Variants in SLC12A8 observed in about 807,000 individuals in gnomAD.
SLC12A8 encodes solute carrier family 12 member 8.
A neutral mutation model predicts 75.6 loss-of-function variants in SLC12A8; 69 were observed. The observed-to-expected ratio is 0.91, with a 90% CI of 0.75 to 1.11. SLC12A8 has a LOEUF of 1.11. Among genes scored for constraint, SLC12A8 ranks in the 50% most tolerant of loss-of-function variants. The probability of loss-of-function intolerance (pLI) is 0.00; values close to 1 mark genes in which losing one functional copy is unlikely to be tolerated. For missense variants in SLC12A8, 877 were observed against 896.7 expected (o/e 0.98, Z 0.28); for synonymous variants, 365 against 372.8 (o/e 0.98, Z 0.24).
At chr3:125,154,219 G>A (rs1207835906) in intron 5 of SLC12A8, among the ~76,000 whole-genome samples, 6 of 152,164 alleles carry the variant, frequency 3.9e-5, no homozygotes, top group Non-Finnish European at 2.9e-5. Flanking sequence ...CAGCAGCTTC[G>A]CAAACTGCAT....
chr3:125,146,788 C>T (rs191003060), intron 5 of SLC12A8, among the ~76,000 whole-genome samples: 9 of 152,370 alleles, frequency 5.9e-5, no homozygotes, highest in East Asian at 1.9e-4. Context: ...TACAGGCTGA[C>T]GCCACCATGC....
intron 5 of SLC12A8, among the ~76,000 whole-genome samples, chr3:125,158,728 G>C (rs78617020): frequency 0.013 from 1,932 of 152,202 alleles, 38 homozygotes; most frequent in African/African-American, 0.045. Context: ...CTTTGGAAGG[G>C]TGTCACCATG....
chr3:125,092,515 G>A (rs1938611534), intron 10 of SLC12A8, among the ~76,000 whole-genome samples: 1 of 152,170 alleles, frequency 6.6e-6, no homozygotes, highest in South Asian at 2.1e-4. Context: ...GTGTTAGAGT[G>A]GGAGAACTAG....
At chr3:125,158,490 G>T (rs1261497617) in intron 5 of SLC12A8, among the ~76,000 whole-genome samples, 7 of 152,230 alleles carry the variant, frequency 4.6e-5, no homozygotes, top group Middle Eastern at 3.4e-3. Flanking sequence ...CAAAGTGCTG[G>T]GATTATAGGT....
chr3:125,200,356 G>A (rs1409356389), intron 2 of SLC12A8, among the ~76,000 whole-genome samples: 1 of 152,158 alleles, frequency 6.6e-6, no homozygotes, highest in Non-Finnish European at 1.5e-5. Context: ...GGCTGAGGAG[G>A]GAGGATCATC....
chr3:125,083,226 T>C lies in SLC12A8; in HGVS notation c.*664A>G, dbSNP rs1167689733. On this transcript the variant is annotated 3_prime_UTR_variant, in exon 14 of 14. Transcript: ENST00000469902. Reference sequence around the variant, plus strand: ...ATACAATAAAATATAAAACATACACTTATTGTGGCCCTCTGCACAAGCAAT... The same window carrying C: ...ATACAATAAAATATAAAACATACACCTATTGTGGCCCTCTGCACAAGCAAT... 6.6e-6 allele frequency: 1 copy of C among 152,134 alleles called. No individual in the cohort carries two copies. Among genetic ancestry groups the C allele is most frequent in the Non-Finnish European group, 1.5e-5 (1 of 68,024 alleles). The allele number at this position is 152,134 out of a possible 1,614,324, so 9.4% of individuals were successfully genotyped here. A position where few individuals can be genotyped will look rare whatever the true frequency, so the allele number is the denominator to read the frequency against.
At chr3:125,143,216 C>G (rs1012163676) in intron 5 of SLC12A8, among the ~76,000 whole-genome samples, 3 of 152,260 alleles carry the variant, frequency 2.0e-5, no homozygotes, top group Non-Finnish European at 4.4e-5. Context: ...ATCTGTTGGG[C>G]TCTCCCATTG....
Position 125,190,517 on chromosome 3 carries a change from G to T in SLC12A8, c.56C>A (p.Ala19Asp), listed in dbSNP as rs1452168145. The T allele has an allele frequency of 3.1e-6, 5 of 1,613,792 alleles. No homozygotes were observed. The highest frequency in any genetic ancestry group is 4.2e-6 in the Non-Finnish European group (5 of 1,179,880). The change falls in exon 3 of 14, where the codon GCC becomes GAC. Residue 19 changes from alanine to aspartate, a missense_variant. Coordinates refer to ENST00000469902, the MANE Select transcript of SLC12A8 (RefSeq NM_024628.6). ...ELFHEAAQQDALAQPQPWWKT... is the reference protein window; with the variant it reads ...ELFHEAAQQDDLAQPQPWWKT... ...CCACCAGGGCTGGGGCTGGGCCAGG[G>T]CATCCTGCAAACAGAACACACAGAA...
At chr3:125,157,283 T>G (rs1934070390) in intron 5 of SLC12A8, among the ~76,000 whole-genome samples, 1 of 152,202 alleles carries the variant, frequency 6.6e-6, no homozygotes, top group Admixed American at 6.5e-5. Flanking sequence ...GCAAGAATAC[T>G]GGAAGGAAAT....
chr3:125,173,647 A>AT (rs1424100917), intron 5 of SLC12A8, among the ~76,000 whole-genome samples: 1 of 152,176 alleles, frequency 6.6e-6, no homozygotes, highest in Non-Finnish European at 1.5e-5. Context: ...AAAAACACTG[A>AT]TAAGATAGAC....
intron 5 of SLC12A8, among the ~76,000 whole-genome samples, chr3:125,169,415 CAGG>C (rs1934359840): frequency 6.6e-6 from 1 of 151,996 alleles, no homozygotes; most frequent in African/African-American, 2.4e-5. Flanking sequence ...ATCAAGAAGT[CAGG>C]AGGTGAGGAA....
chr3:125,133,466 A>G (rs993912331), intron 6 of SLC12A8, among the ~76,000 whole-genome samples: 2 of 151,978 alleles, frequency 1.3e-5, no homozygotes, highest in Non-Finnish European at 2.9e-5. Flanking sequence ...TTGACCTCCC[A>G]GGATCAAGCA....
intron 5 of SLC12A8, among the ~76,000 whole-genome samples, chr3:125,139,935 C>T (rs1186998152): frequency 6.6e-6 from 1 of 152,184 alleles, no homozygotes; most frequent in Admixed American, 6.5e-5. Flanking sequence ...ATTTCTGAAG[C>T]CTCTCTGGAG....
chr3:125,178,129 T>C (rs1934580341), intron 4 of SLC12A8, among the ~76,000 whole-genome samples, 155 bp from the exon 5 acceptor site: 1 of 152,134 alleles, frequency 6.6e-6, no homozygotes, highest in African/African-American at 2.4e-5. Context: ...AAACCAGCCC[T>C]TCCCACCCGT....
At chr3:125,174,146 A>G (rs1454855895) in intron 5 of SLC12A8, among the ~76,000 whole-genome samples, 1 of 152,178 alleles carries the variant, frequency 6.6e-6, no homozygotes, top group African/African-American at 2.4e-5. Flanking sequence ...ACAAAAAAAC[A>G]CAAGTTTTTT....
At chr3:125,165,570 G>A (rs1332588023) in intron 5 of SLC12A8, among the ~76,000 whole-genome samples, 2 of 152,236 alleles carry the variant, frequency 1.3e-5, no homozygotes, top group African/African-American at 4.8e-5. Context: ...CATCTCAGGA[G>A]GATAACAGAG....
intron 10 of SLC12A8, among the ~76,000 whole-genome samples, chr3:125,107,162 A>G (rs1047402495): frequency 6.6e-6 from 1 of 152,166 alleles, no homozygotes; most frequent in African/African-American, 2.4e-5. Flanking sequence ...GTAAGGAGAG[A>G]TTGATTTTAC....
intron 10 of SLC12A8, among the ~76,000 whole-genome samples, chr3:125,094,741 C>T (rs778667886): frequency 1.1e-4 from 16 of 152,300 alleles, no homozygotes; most frequent in Non-Finnish European, 2.4e-4. Context: ...AAAAGAATTG[C>T]CTATGCAGTC....
chr3:125,201,494 G>T (rs530844572), intron 2 of SLC12A8, among the ~76,000 whole-genome samples: 1 of 152,054 alleles, frequency 6.6e-6, no homozygotes, highest in South Asian at 2.1e-4. Flanking sequence ...ATGCATCAAA[G>T]CCGGGTGAGG....
Sources: allele counts gnomAD v4.1 joint callset (sites outside exome capture counted in the v4.1 genomes callset), GRCh38; gene constraint gnomAD v4.1.1; transcripts MANE v1.5; gene names NCBI Gene and HGNC (gene_info 2026-07-23, HGNC 2026-07-21).